The following ZFAND3 variants were observed in gnomAD, a reference collection of about 807,000 sequenced individuals.
ZFAND3 encodes the protein AN1-type zinc finger protein 3.
Under a neutral mutation model 29.6 loss-of-function variants are expected in ZFAND3, and 10 were observed. That is an observed-to-expected ratio of 0.34 (90% CI 0.21 to 0.57). ZFAND3 has a LOEUF of 0.57. Among genes scored for constraint, ZFAND3 ranks in the 20% least tolerant of loss-of-function variants. The pLI is 0.86. For missense variants in ZFAND3, 230 were observed against 304.5 expected, an observed-to-expected ratio of 0.76 and a Z score of 1.82; for synonymous variants, 128 against 112.6, an observed-to-expected ratio of 1.14 and a Z score of -0.87.
At chr6:38,109,797 C>T (rs1765279329) in intron 4 of ZFAND3, among the ~76,000 whole-genome samples, 1 of 152,112 alleles carries the variant, frequency 6.6e-6, no homozygotes, top group African/African-American at 2.4e-5. Flanking sequence ...AAACTGTCTT[C>T]TAGTCAAAAA....
chr6:38,095,540 C>T (rs1331294506), intron 4 of ZFAND3, among the ~76,000 whole-genome samples: 3 of 152,142 alleles, frequency 2.0e-5, no homozygotes, highest in African/African-American at 7.2e-5. Context: ...CTTTCCTCTC[C>T]AATCTGAACT....
intron 2 of ZFAND3, among the ~76,000 whole-genome samples, chr6:37,984,715 G>C (rs1225690916): frequency 1.3e-5 from 2 of 152,202 alleles, no homozygotes; most frequent in Non-Finnish European, 2.9e-5. Flanking sequence ...CAGGTGTCCA[G>C]TACTCTCATC....
rs1766283358 is a variant in ZFAND3 at position 38,153,652 on chromosome 6, A to G, written c.*1263A>G. ...TTCACAGAGGATTTCAGCAGCTGCA[A>G]CTGCGCACGCCAGGTGGGGAAGGGT... On this transcript the variant is annotated 3_prime_UTR_variant, in exon 6 of 6. Coordinates refer to ENST00000287218, the MANE Select transcript of ZFAND3 (RefSeq NM_021943.3). The G allele has an allele frequency of 1.0e-6, 1 of 983,540 alleles. No homozygotes were observed. Among genetic ancestry groups the G allele is most frequent in the Non-Finnish European group, 1.2e-6 (1 of 828,648 alleles). The allele number at this position is 983,540 out of a possible 1,614,324, so 60.9% of individuals were successfully genotyped here.
rs776757009 is a variant in ZFAND3, at chr6:37,864,723, TTATA to T, written c.71+44711_71+44714del. Among the ~76,000 whole-genome samples, 53 of 145,572 alleles carry T rather than the reference TTATA, an allele frequency of 3.6e-4. 1 individual carries two copies. Among genetic ancestry groups the T allele is most frequent in the East Asian group, 1.6e-3 (8 of 4,968 alleles). ...TGTATGTTCATATGTTTATGTATGT[TTATA>T]TATGTGGTTATACACACACACACAC... On this transcript the variant is annotated intron_variant, in intron 1 of 5. Coordinates refer to ENST00000287218, the MANE Select transcript of ZFAND3 (RefSeq NM_021943.3).
At chr6:38,080,756 C>G (rs1169337045) in intron 3 of ZFAND3, among the ~76,000 whole-genome samples, 1 of 152,062 alleles carries the variant, frequency 6.6e-6, no homozygotes, top group Admixed American at 6.6e-5. Flanking sequence ...TTTTATGGAG[C>G]TATAGAAGCC....
chr6:37,943,607 G>A (rs1761849817), intron 2 of ZFAND3, among the ~76,000 whole-genome samples: 1 of 152,098 alleles, frequency 6.6e-6, no homozygotes, highest in Non-Finnish European at 1.5e-5. Context: ...ACTGAAAGCT[G>A]GGTTATTCAT....
intron 1 of ZFAND3, among the ~76,000 whole-genome samples, chr6:37,902,263 A>G (rs997300530): frequency 1.4e-4 from 22 of 152,124 alleles, no homozygotes; most frequent in Non-Finnish European, 2.5e-4. Flanking sequence ...AGCCGAGGCA[A>G]CATGGTGAAA....
At chr6:37,927,888 C>G (rs1761517736) in intron 1 of ZFAND3, among the ~76,000 whole-genome samples, 1 of 152,182 alleles carries the variant, frequency 6.6e-6, no homozygotes, top group Non-Finnish European at 1.5e-5. Flanking sequence ...CAGATTAATT[C>G]ACTTACTAGT....
chr6:38,047,980 T>G (rs76726817), intron 2 of ZFAND3, among the ~76,000 whole-genome samples: 8,349 of 151,492 alleles, frequency 0.055, 353 homozygotes, highest in Non-Finnish European at 0.094. Context: ...TTTGTTTTTT[T>G]TTTTTTTACT....
intron 2 of ZFAND3, among the ~76,000 whole-genome samples, chr6:37,993,313 T>A (rs898420294): frequency 2.0e-5 from 3 of 151,066 alleles, no homozygotes; most frequent in Non-Finnish European, 4.4e-5. Context: ...AATGATTTTA[T>A]TTTATTATTT....
At chr6:38,087,890 A>G (rs1488146685) in intron 4 of ZFAND3, among the ~76,000 whole-genome samples, 2 of 152,184 alleles carry the variant, frequency 1.3e-5, no homozygotes, top group African/African-American at 4.8e-5. Flanking sequence ...TCCCATATAT[A>G]TTGCAGCACT....
At chr6:37,996,387 A>G (rs6903260) in intron 2 of ZFAND3, among the ~76,000 whole-genome samples, 1 of 152,196 alleles carries the variant, frequency 6.6e-6, no homozygotes, top group African/African-American at 2.4e-5. Context: ...TATTATCACA[A>G]AAGTATAAGT....
chr6:38,134,541 T>A (rs1045736219), intron 5 of ZFAND3, among the ~76,000 whole-genome samples: 1 of 152,212 alleles, frequency 6.6e-6, no homozygotes, highest in Non-Finnish European at 1.5e-5. Context: ...TAAATACTTT[T>A]GACTCCTTGA....
chr6:37,987,120 T>G (rs1397493687), intron 2 of ZFAND3, among the ~76,000 whole-genome samples: 1 of 152,194 alleles, frequency 6.6e-6, no homozygotes, highest in Non-Finnish European at 1.5e-5. Context: ...TGCTGTAAAG[T>G]GTGAAATTTA....
At chr6:38,061,544 T>A in intron 2 of ZFAND3, 49 bp from the exon 3 acceptor site, 1 of 1,604,934 alleles carries the variant, frequency 6.2e-7, no homozygotes, top group Non-Finnish European at 8.5e-7. Context: ...TTTCTAATCC[T>A]CAGAGACTGT....
intron 3 of ZFAND3, 139 bp downstream of exon 3, chr6:38,061,914 G>C (rs1764248931): frequency 2.0e-6 from 2 of 1,020,410 alleles, no homozygotes; most frequent in Non-Finnish European, 2.8e-6. Context: ...CCCAAGCTCA[G>C]CAAGTTAGAG....
chr6:37,973,429 TA>T (rs1323273946), intron 2 of ZFAND3, among the ~76,000 whole-genome samples: 1 of 152,246 alleles, frequency 6.6e-6, no homozygotes, highest in Non-Finnish European at 1.5e-5. Context: ...TGTCTTTCTC[TA>T]AACTTGGTTA....
At chr6:38,119,903 C>A (rs11759483) in intron 5 of ZFAND3, among the ~76,000 whole-genome samples, 12,892 of 152,218 alleles carry the variant, frequency 0.085, 732 homozygotes, top group East Asian at 0.28. Context: ...ACTTCATGGG[C>A]TTTCAGTAAG....
At chr6:38,056,990 A>G (rs761250089) in intron 2 of ZFAND3, among the ~76,000 whole-genome samples, 1 of 152,354 alleles carries the variant, frequency 6.6e-6, no homozygotes, top group Non-Finnish European at 1.5e-5. Context: ...CAGGCTGACA[A>G]CTTTATTCAA....
Sources: gnomAD v4.1 joint callset for allele counts (sites outside exome capture counted in the v4.1 genomes callset) on GRCh38, gnomAD v4.1.1 for gene constraint, MANE v1.5 for transcripts, NCBI Gene and HGNC (gene_info 2026-07-23, HGNC 2026-07-21) for gene names.